Variants in RORA observed in about 807,000 individuals in gnomAD.
RORA encodes nuclear receptor ROR-alpha.
In RORA, 7 loss-of-function variants were observed where a neutral mutation model predicts 69.5. The observed-to-expected ratio is 0.10, with a 90% CI of 0.06 to 0.19. RORA has a LOEUF of 0.19. Ranked by LOEUF, RORA falls within the 10% of genes least tolerant of loss-of-function variation. The pLI, the probability that RORA is intolerant of heterozygous loss-of-function variation, is 1.00. For missense variants in RORA, 457 were observed against 663.0 expected, an observed-to-expected ratio of 0.69 and a Z score of 3.41; for synonymous variants, 261 against 240.8, an observed-to-expected ratio of 1.08 and a Z score of -0.78.
intron 1 of RORA, among the ~76,000 whole-genome samples, chr15:61,019,606 A>T (rs1179153608): frequency 6.6e-6 from 1 of 152,022 alleles, no homozygotes; most frequent in Admixed American, 6.5e-5. Flanking sequence ...AAAGTTAGTG[A>T]AGGGGGGGAA....
chr15:60,836,822 A>G (rs1391004697), intron 1 of RORA, among the ~76,000 whole-genome samples: 2 of 151,670 alleles, frequency 1.3e-5, no homozygotes, highest in Non-Finnish European at 2.9e-5. Context: ...ATATCCTCCA[A>G]TCAGCTCCCC....
intron 2 of RORA, among the ~76,000 whole-genome samples, chr15:60,647,078 C>T (rs1375504206): frequency 6.6e-6 from 1 of 152,180 alleles, no homozygotes; most frequent in Admixed American, 6.5e-5. Flanking sequence ...TTGGTATTGA[C>T]TGGGAAATGG....
intron 1 of RORA, among the ~76,000 whole-genome samples, chr15:60,992,241 A>C (rs990152922): frequency 9.2e-5 from 14 of 152,186 alleles, no homozygotes; most frequent in African/African-American, 3.4e-4. Context: ...AAAATGGAAG[A>C]CTTGATTAAA....
chr15:61,068,384 T>C (rs2078294146), intron 1 of RORA, among the ~76,000 whole-genome samples: 1 of 152,234 alleles, frequency 6.6e-6, no homozygotes, highest in Admixed American at 6.5e-5. Flanking sequence ...GTTTCCTCTC[T>C]TGAAGATAGC....
chr15:60,742,857 G>A (rs2071592160), intron 1 of RORA, among the ~76,000 whole-genome samples: 1 of 151,898 alleles, frequency 6.6e-6, no homozygotes, highest in Admixed American at 6.6e-5. Flanking sequence ...TGTATATTGT[G>A]TATATATACC....
intron 1 of RORA, among the ~76,000 whole-genome samples, chr15:61,164,107 C>G (rs990955570): frequency 3.9e-5 from 6 of 151,912 alleles, no homozygotes; most frequent in Non-Finnish European, 7.4e-5. Context: ...AATGGTACAG[C>G]CAATAGGTGA....
chr15:60,672,635 G>C (rs980272051), intron 2 of RORA, among the ~76,000 whole-genome samples: 3 of 152,122 alleles, frequency 2.0e-5, no homozygotes, highest in African/African-American at 7.2e-5. Flanking sequence ...TGCCCAGCTG[G>C]GTGAGCTAAC....
intron 1 of RORA, among the ~76,000 whole-genome samples, chr15:61,052,623 T>G (rs1218378534): frequency 6.6e-6 from 1 of 152,224 alleles, no homozygotes; most frequent in Non-Finnish European, 1.5e-5. Context: ...ACATCACCAA[T>G]TCTGTGGGAA....
At chr15:60,748,914 C>T (rs1046223803) in intron 1 of RORA, among the ~76,000 whole-genome samples, 4 of 152,146 alleles carry the variant, frequency 2.6e-5, no homozygotes, top group African/African-American at 9.7e-5. Flanking sequence ...CTCTAGATAG[C>T]TGTGAAGGAG....
At chr15:60,942,757 T>C (rs1342662496) in intron 1 of RORA, among the ~76,000 whole-genome samples, 1 of 152,234 alleles carries the variant, frequency 6.6e-6, no homozygotes, top group Non-Finnish European at 1.5e-5. Context: ...TTTAGGTTTA[T>C]GTGCAAAAGT....
intron 1 of RORA, among the ~76,000 whole-genome samples, chr15:61,220,071 C>T (rs1267926679): frequency 6.6e-6 from 1 of 152,250 alleles, no homozygotes; most frequent in African/African-American, 2.4e-5. Flanking sequence ...CCACTTTCTG[C>T]ACACATGTGC....
intron 1 of RORA, among the ~76,000 whole-genome samples, chr15:61,078,531 C>T (rs1041294210): frequency 6.6e-6 from 1 of 152,164 alleles, no homozygotes; most frequent in Non-Finnish European, 1.5e-5. Flanking sequence ...TTCTGCCATT[C>T]AGTACCAACA....
rs760453588 is a variant in RORA at position 60,893,605 on chromosome 15, T to TA, written c.167-214920_167-214919insT. Among the ~76,000 whole-genome samples, 13 of 152,206 alleles carry TA rather than the reference T, an allele frequency of 8.5e-5. 1 individual carries two copies. The highest frequency in any genetic ancestry group is 8.3e-4 in the South Asian group (4 of 4,804). On this transcript the variant is annotated intron_variant, in intron 1 of 10. Transcript: ENST00000335670. ...TTTGTCTGGGTGTGTGTGTGCGTTT[T>TA]TAAAAAATTTTAAATTTTGGATAAG...
At chr15:60,910,484 T>C (rs1891674007) in intron 1 of RORA, among the ~76,000 whole-genome samples, 1 of 152,232 alleles carries the variant, frequency 6.6e-6, no homozygotes, top group Admixed American at 6.5e-5. Flanking sequence ...GCATTTTAAC[T>C]AGTGAAATAC....
At chr15:60,925,007 A>C (rs1323982793) in intron 1 of RORA, among the ~76,000 whole-genome samples, 4 of 152,074 alleles carry the variant, frequency 2.6e-5, no homozygotes, top group Non-Finnish European at 5.9e-5. Context: ...TGAACCCAGG[A>C]GGCAGAGGTT....
intron 1 of RORA, among the ~76,000 whole-genome samples, chr15:61,173,188 C>A (rs1383003269): frequency 6.6e-5 from 10 of 152,122 alleles, no homozygotes; most frequent in African/African-American, 2.4e-4. Context: ...ACCACTATTA[C>A]CCCCACTTTA....
chr15:60,591,614 C>T (rs564128788), intron 2 of RORA, among the ~76,000 whole-genome samples: 147 of 152,286 alleles, frequency 9.7e-4, no homozygotes, highest in Non-Finnish European at 1.9e-3. Flanking sequence ...CGGCCCTCAC[C>T]ACGGTCTAAC....
At chr15:60,622,509 G>T (rs1039262904) in intron 2 of RORA, among the ~76,000 whole-genome samples, 1 of 151,816 alleles carries the variant, frequency 6.6e-6, no homozygotes, top group Non-Finnish European at 1.5e-5. Context: ...CTACTCAGGA[G>T]GCTGAGATAG....
At chr15:61,134,394 T>TA (rs1192380927) in intron 1 of RORA, among the ~76,000 whole-genome samples, 2 of 152,174 alleles carry the variant, frequency 1.3e-5, no homozygotes, top group Non-Finnish European at 2.9e-5. Flanking sequence ...GCTCCCTATG[T>TA]AAGGTTCTGT....
Sources: allele counts gnomAD v4.1 joint callset (sites outside exome capture counted in the v4.1 genomes callset), GRCh38; gene constraint gnomAD v4.1.1; transcripts MANE v1.5; gene names NCBI Gene and HGNC (gene_info 2026-07-23, HGNC 2026-07-21).